The following CHD7 variants were observed in gnomAD, a reference collection of about 807,000 sequenced individuals.
CHD7 encodes chromodomain helicase DNA binding protein 7, also known as ATP-dependent chromatin remodeler CHD7.
Under a neutral mutation model 307.3 loss-of-function variants are expected in CHD7, and 24 were observed. The observed-to-expected ratio is 0.08, with a 90% CI of 0.06 to 0.11. The LOEUF (loss-of-function observed/expected upper bound fraction) is 0.11, where lower values mean the gene tolerates loss of function less well. Ranked by LOEUF, CHD7 falls within the 10% of genes least tolerant of loss-of-function variation. The probability of loss-of-function intolerance (pLI) is 1.00; values close to 1 mark genes in which losing one functional copy is unlikely to be tolerated. For synonymous variants in CHD7, 1,363 were observed against 1,349.9 expected, an observed-to-expected ratio of 1.01 and a Z score of -0.21; for missense variants, 3,106 against 3,727.1, an observed-to-expected ratio of 0.83 and a Z score of 4.34.
Position 60,801,550 on chromosome 8 carries a change from C to T in CHD7, c.2399C>T (p.Pro800Leu), listed in dbSNP as rs1168472463. The T allele has an allele frequency of 7.0e-6, 11 of 1,574,260 alleles. No individual in the cohort carries two copies. In the East Asian group the frequency reaches 1.2e-4, roughly 17 times the overall value. ...EQQESVDAEGPVVEKIMSSRS... is the reference protein window; with the variant it reads ...EQQESVDAEGLVVEKIMSSRS... ...TAGGAATCTGTTGATGCAGAAGGCC[C>T]AGTGGTAGAAAAAATTATGAGCAGT... Residue 800 changes from proline (P) to leucine (L), a missense_variant, in exon 6 of 38, where the codon CCA becomes CTA. Physicochemically the swap from Pro to Leu is moderately conservative, Grantham distance 98 (BLOSUM62 -3). This residue lies in a region of CHD7 where 998 missense variants were observed against 1,004.5 expected (regional missense o/e 0.99). Coordinates refer to ENST00000423902, the MANE Select transcript of CHD7 (RefSeq NM_017780.4).
rs756572879 is a variant in CHD7, at chr8:60,856,866, A to G, written c.7586A>G (p.His2529Arg). ...VEGLDLLFMSHKRTSLSAEDA... is the reference protein window; with the variant it reads ...VEGLDLLFMSRKRTSLSAEDA... Reference sequence around the variant, plus strand: ...GGACTTGATCTGCTTTTCATGAGCCACAAACGGACGTCATTGAGTGCAGTA... The same window carrying G: ...GGACTTGATCTGCTTTTCATGAGCCGCAAACGGACGTCATTGAGTGCAGTA... Residue 2529 changes from histidine to arginine, a missense_variant, in exon 34 of 38, where the codon CAC becomes CGC. Physicochemically the swap from His to Arg is conservative, Grantham distance 29. Around this residue, in one of 10 missense-constraint regions of CHD7, gnomAD observed 1,030 missense variants for 1,165.4 expected, o/e 0.88. Transcript: ENST00000423902. 13 of 1,558,452 alleles carry G rather than the reference A, an allele frequency of 8.3e-6. No individual in the cohort carries two copies. The highest frequency in any genetic ancestry group is 1.4e-5 in the African/African-American group (1 of 72,792).
chr8:60,856,948 A>T, intron 34 of CHD7, 60 bp downstream of exon 34: 2 of 1,404,150 alleles, frequency 1.4e-6, no homozygotes, highest in Non-Finnish European at 1.9e-6. Flanking sequence ...GGGTCCTGTG[A>T]TGCTCACGAT....
At chr8:60,800,277 C>G in intron 4 of CHD7, 111 bp from the exon 5 acceptor site, 1 of 1,006,708 alleles carries the variant, frequency 9.9e-7, no homozygotes, top group Non-Finnish European at 1.4e-6. Flanking sequence ...TGTGATCCGC[C>G]CGCCTCGGCC....
At chr8:60,828,502 CAG>C in intron 13 of CHD7, among the ~76,000 whole-genome samples, 159 bp from the exon 14 acceptor site, 1 of 152,218 alleles carries the variant, frequency 6.6e-6, no homozygotes, top group East Asian at 1.9e-4. Context: ...CTACCTGACA[CAG>C]AAATCGTGTT....
intron 15 of CHD7, among the ~76,000 whole-genome samples, chr8:60,832,467 G>C (rs150977251): frequency 2.6e-5 from 4 of 152,234 alleles, no homozygotes; most frequent in Non-Finnish European, 5.9e-5. Flanking sequence ...AACTAGCCAG[G>C]TCTTGAGTTG....
In CHD7 at chr8:60,781,301, C is replaced by A; in HGVS notation, c.1967C>A (p.Pro656Gln). ...AAGGCAAAAAAAGACCCGAAGGAAC[C>A]GAAAGAACCCAAGGAGAAAAAAGAG... ...RSKAKKDPKEPKEPKEKKEPK... is the reference protein window; with the variant it reads ...RSKAKKDPKEQKEPKEKKEPK... The change falls in exon 3 of 38, where the codon CCG becomes CAG. Residue 656 changes from proline to glutamine, a missense_variant. Coordinates refer to ENST00000423902, the MANE Select transcript of CHD7 (RefSeq NM_017780.4). 1 of 1,565,574 alleles carries A rather than the reference C, an allele frequency of 6.4e-7. No homozygotes were observed. The highest frequency in any genetic ancestry group is 2.4e-5 in the East Asian group (1 of 41,852).
chr8:60,819,739 T>C (rs1803938606), intron 8 of CHD7, among the ~76,000 whole-genome samples: 1 of 152,222 alleles, frequency 6.6e-6, no homozygotes, highest in Admixed American at 6.5e-5. Flanking sequence ...AATTTCACAC[T>C]TCATTTAAAA....
At chr8:60,803,518 A>G (rs1030738212) in intron 6 of CHD7, among the ~76,000 whole-genome samples, 1 of 152,208 alleles carries the variant, frequency 6.6e-6, no homozygotes, top group African/African-American at 2.4e-5. Flanking sequence ...GAGATTAAAA[A>G]TCACTGTACA....
chr8:60,823,236 T>G (rs1804123151), intron 12 of CHD7, among the ~76,000 whole-genome samples: 1 of 152,210 alleles, frequency 6.6e-6, no homozygotes, highest in East Asian at 1.9e-4. Context: ...ATTTTTTTCT[T>G]ACTCTAGTTA....
intron 2 of CHD7, among the ~76,000 whole-genome samples, chr8:60,755,920 A>G (rs1379396189): frequency 6.6e-6 from 1 of 152,230 alleles, no homozygotes; most frequent in Non-Finnish European, 1.5e-5. Flanking sequence ...TAGAAAATAT[A>G]TAACCTAGTA....
At chr8:60,682,978 T>A (rs1247259980) in intron 1 of CHD7, among the ~76,000 whole-genome samples, 1 of 152,198 alleles carries the variant, frequency 6.6e-6, no homozygotes, top group Non-Finnish European at 1.5e-5. Flanking sequence ...CCAAAAAGGA[T>A]GGAGAAGGAA....
At position 60,844,830 on chromosome 8, in the gene CHD7, A is replaced by C. The variant is rs753047664; in HGVS notation, c.4851-34A>C. 1.5e-5 allele frequency: 23 copies of C among 1,514,962 alleles called. 1 individual carries two copies. The South Asian group carries it at 3.1e-4, about 20-fold the overall frequency. 93.8% of individuals were successfully genotyped at this position (1,514,962 alleles called of 1,614,324 possible). A position where few individuals can be genotyped will look rare whatever the true frequency, so the allele number is the denominator to read the frequency against. Reference sequence around the variant, plus strand: ...AGTAAAGCCATAAATCAAAACTCACAGGCACCTCTGCATGCTGGATATTTG... The same window carrying C: ...AGTAAAGCCATAAATCAAAACTCACCGGCACCTCTGCATGCTGGATATTTG... On this transcript the variant is annotated intron_variant, in intron 21 of 37. Transcript: ENST00000423902.
chr8:60,804,155 C>A (rs191357969), intron 6 of CHD7, among the ~76,000 whole-genome samples: 10 of 152,334 alleles, frequency 6.6e-5, no homozygotes, highest in Admixed American at 5.9e-4. Context: ...TTATGTTGTT[C>A]TAAACCCAGG....
chr8:60,757,890 G>A (rs529489005), intron 2 of CHD7, among the ~76,000 whole-genome samples: 1 of 152,278 alleles, frequency 6.6e-6, no homozygotes, highest in Non-Finnish European at 1.5e-5. Context: ...AGACAAATAT[G>A]TTCAGGTAAC....
intron 31 of CHD7, 64 bp from the exon 32 acceptor site, chr8:60,854,299 C>T: frequency 1.4e-6 from 2 of 1,449,534 alleles, no homozygotes; most frequent in Non-Finnish European, 1.9e-6. Context: ...TAATCATGTC[C>T]TTTCTAAACT....
chr8:60,692,281 G>T (rs144712727), intron 1 of CHD7, among the ~76,000 whole-genome samples: 2 of 152,168 alleles, frequency 1.3e-5, no homozygotes, highest in Non-Finnish European at 2.9e-5. Context: ...CTGATTAAGC[G>T]TTTGAAACCA....
rs1156609341 is a variant in CHD7, at chr8:60,742,627, A to G, written c.1195A>G (p.Met399Val). Residue 399 changes from methionine to valine, a missense_variant, in exon 2 of 38, where the codon ATG becomes GTG. Around this residue, in one of 10 missense-constraint regions of CHD7, gnomAD observed 998 missense variants for 1,004.5 expected, o/e 0.99. Transcript: ENST00000423902. Reference protein sequence around the residue: ...TYASPPPMSPMKAMSNPAGTP... With the variant: ...TYASPPPMSPVKAMSNPAGTP... ...TGCCTCTCCACCTCCCATGTCACCC[A>G]TGAAAGCAATGAGTAATCCAGCAGG... 3.1e-6 allele frequency: 5 copies of G among 1,612,404 alleles called. No homozygotes were observed. The highest frequency in any genetic ancestry group is 4.5e-5 in the East Asian group (2 of 44,860).
chr8:60,804,682 G>GT (rs953563272), intron 6 of CHD7, among the ~76,000 whole-genome samples: 20 of 152,060 alleles, frequency 1.3e-4, no homozygotes, highest in African/African-American at 3.4e-4. Flanking sequence ...AGAGTGTTCT[G>GT]TTTTTTTGCT....
At chr8:60,711,414 G>A (rs1035981490) in intron 1 of CHD7, among the ~76,000 whole-genome samples, 2 of 152,036 alleles carry the variant, frequency 1.3e-5, no homozygotes, top group African/African-American at 4.8e-5. Flanking sequence ...TTATAATGAG[G>A]GTGGCATGTA....
Sources: gnomAD v4.1 joint callset for allele counts (sites outside exome capture counted in the v4.1 genomes callset) on GRCh38, gnomAD v4.1.1 for gene constraint, gnomAD v4.1.1 regional missense constraint, MANE v1.5 for transcripts, NCBI Gene and HGNC (gene_info 2026-07-23, HGNC 2026-07-21) for gene names.